Variants in PRKACG observed in about 807,000 individuals in gnomAD.
PRKACG encodes cAMP-dependent protein kinase catalytic subunit gamma.
Under a neutral mutation model 25.6 loss-of-function variants are expected in PRKACG, and 24 were observed. That is an observed-to-expected ratio of 0.94 (90% CI 0.68 to 1.32). The LOEUF is 1.32. PRKACG is among the 40% of genes most tolerant of loss of function. The pLI is 0.00. For missense variants in PRKACG, 481 were observed against 462.9 expected, an observed-to-expected ratio of 1.04 and a Z score of -0.36; for synonymous variants, 202 against 195.9, an observed-to-expected ratio of 1.03 and a Z score of -0.26.
At position 69,013,535 on chromosome 9, in the gene PRKACG, G is replaced by A. The variant is rs761159477; in HGVS notation, c.558C>T (p.Phe186=). ...DQQGYLQVTD[F]GFAKRVKGRT... is the part of the protein sequence containing the mutation. The stretch of plus-strand genomic sequence containing the variant: ...GGCCCTTCACGCGCTTGGCGAAACC[G>A]AAGTCCGTCACCTGCAGGTAGCCCT... Residue 186 remains phenylalanine, a synonymous_variant, in exon 1 of 1, where the codon TTC becomes TTT. Coordinates refer to ENST00000377276, the MANE Select transcript of PRKACG (RefSeq NM_002732.4). The A allele has an allele frequency of 1.7e-5, 28 of 1,613,908 alleles. No homozygotes were observed. The highest frequency in any genetic ancestry group is 1.6e-4 in the Middle Eastern group (1 of 6,084).
At position 69,013,118 on chromosome 9, in the gene PRKACG, G is replaced by A; in HGVS notation, c.975C>T (p.Ala325=). 2.5e-6 allele frequency: 4 copies of A among 1,614,172 alleles called. No individual in the cohort carries two copies. The highest frequency in any genetic ancestry group is 3.4e-6 in the Non-Finnish European group (4 of 1,180,034). ...FIPKYTGPGD[A]SNFDDYEEEE... is the part of the protein sequence containing the mutation. ...CCTCCTCGTAGTCGTCAAAGTTACTGGCATCCCCAGGGCCTGTGTACTTCG... is the reference window on the plus strand; with the variant it reads ...CCTCCTCGTAGTCGTCAAAGTTACTAGCATCCCCAGGGCCTGTGTACTTCG... Residue 325 remains alanine (A), a synonymous_variant, in exon 1 of 1, where the codon GCC becomes GCT. Transcript: ENST00000377276.
Position 69,013,047 on chromosome 9 carries a change from GA to G in PRKACG, c.1045del (p.Ser349LeufsTer40), listed in dbSNP as rs1831290168. On this transcript the variant is annotated frameshift_variant, in exon 1 of 1. Transcript: ENST00000377276. LOFTEE classifies it high-confidence loss of function. Reference sequence around the variant, plus strand: ...GGCACAAGCACACCCCTAAAACTCAGAAAACTCCTTGGCACACTTCTCATTG... The same window carrying G: ...GGCACAAGCACACCCCTAAAACTCAGAAACTCCTTGGCACACTTCTCATTG... ...SINEKCAKEF[S>X]EF The G allele has an allele frequency of 6.2e-7, 1 of 1,613,334 alleles. No individual in the cohort carries two copies. Among genetic ancestry groups the G allele is most frequent in the African/African-American group, 1.3e-5 (1 of 74,934 alleles).
At position 69,013,101 on chromosome 9, in the gene PRKACG, TAGTCGTC is replaced by T. The variant is rs1831291079; in HGVS notation, c.985_991del (p.Asp329ThrfsTer58). The T allele has an allele frequency of 6.2e-7, 1 of 1,614,086 alleles. No homozygotes were observed. Among genetic ancestry groups the T allele is most frequent in the South Asian group, 1.1e-5 (1 of 91,084 alleles). ...GGAGATCCGGAGCTCTTCCTCCTCGTAGTCGTCAAAGTTACTGGCATCCCCAGGGCCT... is the reference window on the plus strand; with the variant it reads ...GGAGATCCGGAGCTCTTCCTCCTCGTAAAGTTACTGGCATCCCCAGGGCCT... On this transcript the variant is annotated frameshift_variant, in exon 1 of 1. Transcript: ENST00000377276. LOFTEE classifies it high-confidence loss of function.
Position 69,014,034 on chromosome 9 carries a change from A to T in PRKACG, c.59T>A (p.Leu20Gln), listed in dbSNP as rs1831309409. The change falls in exon 1 of 1, where the codon CTA (leucine) becomes CAA (glutamine). Residue 20 changes from leucine to glutamine, a missense_variant. Leu to Gln is a moderately radical substitution (Grantham distance 113, BLOSUM62 -2). Coordinates refer to ENST00000377276, the MANE Select transcript of PRKACG (RefSeq NM_002732.4). ...GAGGAAATCTCCTCTGGCTTTGGCTAGGAACTCGTTCACGCTCTCCTCCTG... is the reference window on the plus strand; with the variant it reads ...GAGGAAATCTCCTCTGGCTTTGGCTTGGAACTCGTTCACGCTCTCCTCCTG... ...TEQEESVNEF[L>Q]AKARGDFLYR... is the part of the protein sequence containing the mutation. 6.2e-7 allele frequency: 1 copy of T among 1,612,998 alleles called. No individual in the cohort carries two copies. The highest frequency in any genetic ancestry group is 1.3e-5 in the African/African-American group (1 of 74,896).
In PRKACG at chr9:69,013,541, C is replaced by G. The variant is rs3750373; in HGVS notation, c.552G>C (p.Thr184=). ...TCACGCGCTTGGCGAAACCGAAGTCCGTCACCTGCAGGTAGCCCTGCTGGT... is the reference window on the plus strand; with the variant it reads ...TCACGCGCTTGGCGAAACCGAAGTCGGTCACCTGCAGGTAGCCCTGCTGGT... ...LIDQQGYLQV[T]DFGFAKRVKG... Residue 184 remains threonine (T), a synonymous_variant, in exon 1 of 1, where the codon ACG becomes ACC. Transcript: ENST00000377276. The G allele has an allele frequency of 7.4e-6, 12 of 1,613,872 alleles. No individual in the cohort carries two copies. The East Asian group carries it at 1.6e-4, about 21-fold the overall frequency.
Position 69,013,175 on chromosome 9 carries a change from G to A in PRKACG, c.918C>T (p.Ile306=). 6.2e-7 allele frequency: 1 copy of A among 1,614,152 alleles called. No homozygotes were observed. The highest frequency in any genetic ancestry group is 1.6e-4 in the Middle Eastern group (1 of 6,062). Residue 306 remains isoleucine, a synonymous_variant, in exon 1 of 1, where the codon ATC becomes ATT. Coordinates refer to ENST00000377276, the MANE Select transcript of PRKACG (RefSeq NM_002732.4). ...KWFATTSWIA[I]YEKKVEAPFI... is the part of the protein sequence containing the mutation. Reference sequence around the variant, plus strand: ...AGGGAGCTTCCACCTTCTTCTCATAGATGGCGATCCAGCTGGTTGTGGCGA... The same window carrying A: ...AGGGAGCTTCCACCTTCTTCTCATAAATGGCGATCCAGCTGGTTGTGGCGA...
chr9:69,013,510 G>A lies in PRKACG; in HGVS notation c.583C>T (p.Arg195Cys). The part of the protein sequence containing the change: ...DFGFAKRVKG[R>C]TWTLCGTPEY... Reference sequence around the variant, plus strand: ...GGGGTCCCGCACAAGGTCCAAGTGCGGCCCTTCACGCGCTTGGCGAAACCG... The same window carrying A: ...GGGGTCCCGCACAAGGTCCAAGTGCAGCCCTTCACGCGCTTGGCGAAACCG... Residue 195 changes from arginine to cysteine, a missense_variant, in exon 1 of 1, where the codon CGC (arginine) becomes TGC (cysteine). Transcript: ENST00000377276. 6.2e-7 allele frequency: 1 copy of A among 1,614,056 alleles called. No homozygotes were observed. Among genetic ancestry groups the A allele is most frequent in the Non-Finnish European group, 8.5e-7 (1 of 1,180,012 alleles).
chr9:69,013,138 A>G lies in PRKACG; in HGVS notation c.955T>C (p.Tyr319His). 1.9e-6 allele frequency: 3 copies of G among 1,614,166 alleles called. No homozygotes were observed. Among genetic ancestry groups the G allele is most frequent in the Non-Finnish European group, 2.5e-6 (3 of 1,180,026 alleles). The change falls in exon 1 of 1, where the codon TAC becomes CAC. Residue 319 changes from tyrosine (Y) to histidine (H), a missense_variant. Coordinates refer to ENST00000377276, the MANE Select transcript of PRKACG (RefSeq NM_002732.4). ...TTACTGGCATCCCCAGGGCCTGTGT[A>G]CTTCGGGATGAAGGGAGCTTCCACC... ...KKVEAPFIPK[Y>H]TGPGDASNFD...
chr9:69,013,442 G>A lies in PRKACG; in HGVS notation c.651C>T (p.Asn217=), dbSNP rs758146195. ...APEIILSKGY[N]KAVDWWALGV... is the part of the protein sequence containing the mutation. ...CTAGGGCCCACCAGTCCACGGCCTTGTTGTAGCCTTTGCTCAGGATGATCT... is the reference window on the plus strand; with the variant it reads ...CTAGGGCCCACCAGTCCACGGCCTTATTGTAGCCTTTGCTCAGGATGATCT... Residue 217 remains asparagine, a synonymous_variant, in exon 1 of 1, where the codon AAC becomes AAT. Transcript: ENST00000377276. 6.2e-7 allele frequency: 1 copy of A among 1,613,792 alleles called. No individual in the cohort carries two copies. Among genetic ancestry groups the A allele is most frequent in the Non-Finnish European group, 8.5e-7 (1 of 1,179,956 alleles).
At position 69,013,689 on chromosome 9, in the gene PRKACG, C is replaced by G. The variant is rs1167402842; in HGVS notation, c.404G>C (p.Arg135Pro). Reference protein sequence around the residue: ...PGGEMFSRLQRVGRFSEPHAC... With the variant: ...PGGEMFSRLQPVGRFSEPHAC... ...ATGGGGCTCGCTAAACCTTCCGACGCGCTGTAGGCGGGAGAACATCTCCCC... is the reference window on the plus strand; with the variant it reads ...ATGGGGCTCGCTAAACCTTCCGACGGGCTGTAGGCGGGAGAACATCTCCCC... The change falls in exon 1 of 1, where the codon CGC (arginine) becomes CCC (proline). Residue 135 changes from arginine to proline, a missense_variant. Physicochemically the swap from Arg to Pro is moderately radical, Grantham distance 103. Transcript: ENST00000377276. 1.2e-6 allele frequency: 2 copies of G among 1,614,098 alleles called. No homozygotes were observed. Among genetic ancestry groups the G allele is most frequent in the South Asian group, 2.2e-5 (2 of 91,080 alleles).
Position 69,013,551 on chromosome 9 carries a change from A to AG in PRKACG, c.541dup (p.Leu181ProfsTer51). ...GGCGAAACCGAAGTCCGTCACCTGC[A>AG]GGTAGCCCTGCTGGTCGATGAGGAG... On this transcript the variant is annotated frameshift_variant, in exon 1 of 1. Coordinates refer to ENST00000377276, the MANE Select transcript of PRKACG (RefSeq NM_002732.4). LOFTEE classifies it high-confidence loss of function. 8.1e-6 allele frequency: 13 copies of AG among 1,613,942 alleles called. No homozygotes were observed. Among genetic ancestry groups the AG allele is most frequent in the Non-Finnish European group, 1.1e-5 (13 of 1,179,930 alleles).
At position 69,013,506 on chromosome 9, in the gene PRKACG, G is replaced by A; in HGVS notation, c.587C>T (p.Thr196Ile). The A allele has an allele frequency of 1.9e-6, 3 of 1,614,092 alleles. No individual in the cohort carries two copies. The African/African-American group carries it at 4.0e-5, about 22-fold the overall frequency. The change falls in exon 1 of 1, where the codon ACT becomes ATT. Residue 196 changes from threonine (T) to isoleucine (I), a missense_variant. Transcript: ENST00000377276. ...FGFAKRVKGR[T>I]WTLCGTPEYL... is the part of the protein sequence containing the mutation. ...CTCTGGGGTCCCGCACAAGGTCCAA[G>A]TGCGGCCCTTCACGCGCTTGGCGAA...
rs768575040 is a variant in PRKACG, at chr9:69,013,232, G to C, written c.861C>G (p.Asn287Lys). Reference sequence around the variant, plus strand: ...TGTGGTTCTTGATGTCGCCAACCCCGTTCCTGAGGTTTCCGAAGCGCTTGG... The same window carrying C: ...TGTGGTTCTTGATGTCGCCAACCCCCTTCCTGAGGTTTCCGAAGCGCTTGG... ...DLTKRFGNLR[N>K]GVGDIKNHKW... The change falls in exon 1 of 1, where the codon AAC (asparagine) becomes AAG (lysine). Residue 287 changes from asparagine to lysine, a missense_variant. Coordinates refer to ENST00000377276, the MANE Select transcript of PRKACG (RefSeq NM_002732.4). 1.1e-4 allele frequency: 181 copies of C among 1,613,972 alleles called. No homozygotes were observed. The highest frequency in any genetic ancestry group is 1.5e-4 in the Non-Finnish European group (175 of 1,180,028).
chr9:69,012,816 C>T lies in PRKACG; in HGVS notation c.*221G>A. 1 of 555,306 alleles carries T rather than the reference C, an allele frequency of 1.8e-6. No homozygotes were observed. The allele number at this position is 555,306 out of a possible 1,614,324, so 34.4% of individuals were successfully genotyped here. A position where few individuals can be genotyped will look rare whatever the true frequency, so the allele number is the denominator to read the frequency against. On this transcript the variant is annotated 3_prime_UTR_variant, in exon 1 of 1. Coordinates refer to ENST00000377276, the MANE Select transcript of PRKACG (RefSeq NM_002732.4). ...CTGTGGGAGGAGAAAGAGAGAAGCA[C>T]AGAGGGACCAGGAAGGCATGGGGGG...
Position 69,012,742 on chromosome 9 carries a change from T to A in PRKACG, c.*295A>T, listed in dbSNP as rs1323009026. 5.2e-6 allele frequency: 2 copies of A among 387,700 alleles called. No individual in the cohort carries two copies. Among genetic ancestry groups the A allele is most frequent in the Non-Finnish European group, 9.4e-6 (2 of 213,850 alleles). 24.0% of individuals were successfully genotyped at this position (387,700 alleles called of 1,614,324 possible). ...CAGCAAGACCTGGCCTGAATAGAGC[T>A]GAGAAACTCGTTTAAAACAGGCAGA... On this transcript the variant is annotated 3_prime_UTR_variant, in exon 1 of 1. Coordinates refer to ENST00000377276, the MANE Select transcript of PRKACG (RefSeq NM_002732.4).
At position 69,013,675 on chromosome 9, in the gene PRKACG, T is replaced by C. The variant is rs1430653869; in HGVS notation, c.418A>G (p.Ser140Gly). 1 of 1,613,932 alleles carries C rather than the reference T, an allele frequency of 6.2e-7. No homozygotes were observed. Among genetic ancestry groups the C allele is most frequent in the Non-Finnish European group, 8.5e-7 (1 of 1,179,978 alleles). ...FSRLQRVGRF[S>G]EPHACFYAAQ... ...GCATAGAAACAGGCATGGGGCTCGC[T>C]AAACCTTCCGACGCGCTGTAGGCGG... The change falls in exon 1 of 1, where the codon AGC (serine) becomes GGC (glycine). Residue 140 changes from serine (S) to glycine (G), a missense_variant. Coordinates refer to ENST00000377276, the MANE Select transcript of PRKACG (RefSeq NM_002732.4).
Position 69,013,905 on chromosome 9 carries a change from TGCCTCACCAGCATCAC to T in PRKACG, c.172_187del (p.Val58ThrfsTer10). On this transcript the variant is annotated frameshift_variant, in exon 1 of 1. Coordinates refer to ENST00000377276, the MANE Select transcript of PRKACG (RefSeq NM_002732.4). LOFTEE classifies it high-confidence loss of function. ...GGCGTAGTGGCCGCCGGTCTCCTGGTGCCTCACCAGCATCACCCGCCCGAAGGAGCCCATGCCCAGC... is the reference window on the plus strand; with the variant it reads ...GGCGTAGTGGCCGCCGGTCTCCTGGTCCGCCCGAAGGAGCCCATGCCCAGC... 6.2e-7 allele frequency: 1 copy of T among 1,613,880 alleles called. No homozygotes were observed. Among genetic ancestry groups the T allele is most frequent in the Non-Finnish European group, 8.5e-7 (1 of 1,179,980 alleles).
At position 69,013,352 on chromosome 9, in the gene PRKACG, G is replaced by A. The variant is rs747260220; in HGVS notation, c.741C>T (p.Ile247=). The change falls in exon 1 of 1, where the codon ATC becomes ATT. Residue 247 remains isoleucine (I), a synonymous_variant. Transcript: ENST00000377276. ...CCCTCCCAGAGACGATCTTCTCGTA[G>A]ATCTGGATGGGCTGGTCGGCGTAGA... The part of the protein sequence containing the change: ...PPFYADQPIQ[I]YEKIVSGRVR... 6.2e-7 allele frequency: 1 copy of A among 1,614,070 alleles called. No individual in the cohort carries two copies. The highest frequency in any genetic ancestry group is 8.5e-7 in the Non-Finnish European group (1 of 1,180,014).
Position 69,013,728 on chromosome 9 carries a change from T to TC in PRKACG, c.364dup (p.Glu122GlyfsTer19), listed in dbSNP as rs762646015. Reference sequence around the variant, plus strand: ...GAACATCTCCCCACCCGGCACGTACTCCATCACCAGGTACAGGTAGGAGTT... The same window carrying TC: ...GAACATCTCCCCACCCGGCACGTACTCCCATCACCAGGTACAGGTAGGAGTT... On this transcript the variant is annotated frameshift_variant, in exon 1 of 1. Coordinates refer to ENST00000377276, the MANE Select transcript of PRKACG (RefSeq NM_002732.4). LOFTEE classifies it high-confidence loss of function. 2 of 1,613,966 alleles carry TC rather than the reference T, an allele frequency of 1.2e-6. No homozygotes were observed. The highest frequency in any genetic ancestry group is 1.7e-6 in the Non-Finnish European group (2 of 1,179,980).
Sources: gnomAD v4.1 joint callset for allele counts on GRCh38, gnomAD v4.1.1 for gene constraint, MANE v1.5 for transcripts, NCBI Gene and HGNC (gene_info 2026-07-23, HGNC 2026-07-21) for gene names.